Variants in IQCH observed in about 807,000 individuals in gnomAD.
The protein encoded by IQCH is IQ motif containing H, also known as IQ domain-containing protein H.
IQCH carries 98 observed loss-of-function variants against 117.0 expected under a neutral mutation model. That is an observed-to-expected ratio of 0.84 (90% CI 0.71 to 0.99). The LOEUF is 0.99. Ranked by LOEUF, IQCH falls within the 50% of genes least tolerant of loss-of-function variation. The pLI, the probability that IQCH is intolerant of heterozygous loss-of-function variation, is 0.00. For synonymous variants in IQCH, 412 were observed against 448.2 expected (o/e 0.92, Z 1.02); for missense variants, 1,102 against 1,243.8 (o/e 0.89, Z 1.72).
chr15:67,398,457 C>G (rs929247532), intron 13 of IQCH, among the ~76,000 whole-genome samples: 12 of 152,144 alleles, frequency 7.9e-5, no homozygotes, highest in Non-Finnish European at 1.6e-4. Flanking sequence ...CCCAAATCAT[C>G]AATAAACACT....
intron 16 of IQCH, among the ~76,000 whole-genome samples, chr15:67,441,725 C>T (rs1024701768): frequency 6.6e-6 from 1 of 152,158 alleles, no homozygotes; most frequent in Non-Finnish European, 1.5e-5. Flanking sequence ...TCACCTTATA[C>T]AAAAATCAAC....
At position 67,404,867 on chromosome 15, in the gene IQCH, T is replaced by A. The variant is rs1423995499; in HGVS notation, c.2097+4562T>A. On this transcript the variant is annotated intron_variant, in intron 14 of 20. Transcript: ENST00000335894. The surrounding 1 kb of genome is among the most constrained non-coding windows in gnomAD (Gnocchi z 4.6). Reference sequence around the variant, plus strand: ...TTGTATACACCTCTTTTTGCTTCTGTTGAGTTACTTCCCGAGGAGAAAGAC... The same window carrying A: ...TTGTATACACCTCTTTTTGCTTCTGATGAGTTACTTCCCGAGGAGAAAGAC... 6.6e-6 allele frequency: 1 copy of A among 152,228 alleles called. No homozygotes were observed. The highest frequency in any genetic ancestry group is 1.5e-5 in the Non-Finnish European group (1 of 68,034). The allele number at this position is 152,228 out of a possible 1,614,324, so 9.4% of individuals were successfully genotyped here.
intron 5 of IQCH, among the ~76,000 whole-genome samples, chr15:67,339,676 T>G (rs1444155078): frequency 2.6e-5 from 4 of 152,184 alleles, no homozygotes; most frequent in African/African-American, 9.7e-5. Flanking sequence ...ATTCTAAAAC[T>G]TAAAAAAATT....
chr15:67,384,935 G>C lies in IQCH; in HGVS notation c.1373-1G>C, dbSNP rs1488797409. 6.2e-7 allele frequency: 1 copy of C among 1,603,548 alleles called. No individual in the cohort carries two copies. Among genetic ancestry groups the C allele is most frequent in the Non-Finnish European group, 8.5e-7 (1 of 1,170,884 alleles). ...GTTTTGACACCTTGTTTGCCTTTTA[G>C]GGTATTCCCAGCCTGTGAGAGAACA... is the stretch of plus-strand genomic sequence containing the variant. On this transcript the variant is annotated splice_acceptor_variant, in intron 10 of 20. Transcript: ENST00000335894. LOFTEE classifies it high-confidence loss of function. This position sits in a 1 kb window ranked among gnomAD's most constrained non-coding sequence, Gnocchi z 4.3.
chr15:67,362,014 A>G (rs778657464), intron 8 of IQCH, among the ~76,000 whole-genome samples: 3 of 152,158 alleles, frequency 2.0e-5, no homozygotes, highest in African/African-American at 4.8e-5. Context: ...ACAAATATTT[A>G]TTCTACTATA....
rs1398952265 is a variant in IQCH at position 67,432,355 on chromosome 15, A to G, written c.2505+10778A>G. 6.6e-6 allele frequency among the ~76,000 whole-genome samples: 1 copy of G among 152,194 alleles called. No homozygotes were observed. Among genetic ancestry groups the G allele is most frequent in the Non-Finnish European group, 1.5e-5 (1 of 68,036 alleles). ...AAACGATTTTTAAGAGTTTCTAAAT[A>G]CAGAATATCAGCCTAGAATAAAAAA... is the stretch of plus-strand genomic sequence containing the variant. On this transcript the variant is annotated intron_variant, in intron 16 of 20. Transcript: ENST00000335894. The surrounding 1 kb of genome is among the most constrained non-coding windows in gnomAD (Gnocchi z 5.0).
rs141314534 is a variant in IQCH, at chr15:67,463,308, C to T, written c.2506-1819C>T. ...ATTACAGCATACTCCAGAAATACTTCATGTTTTCTCCACAAGACATTTTCA... is the reference window on the plus strand; with the variant it reads ...ATTACAGCATACTCCAGAAATACTTTATGTTTTCTCCACAAGACATTTTCA... On this transcript the variant is annotated intron_variant, in intron 16 of 20. Coordinates refer to ENST00000335894, the MANE Select transcript of IQCH (RefSeq NM_001031715.3). The surrounding 1 kb of genome is among the most constrained non-coding windows in gnomAD (Gnocchi z 4.0). Among the ~76,000 whole-genome samples the T allele has an allele frequency of 5.7e-4, 87 of 152,316 alleles. 6 individuals carry two copies. The East Asian group carries it at 5.8e-3, about 10-fold the overall frequency.
intron 16 of IQCH, among the ~76,000 whole-genome samples, chr15:67,450,233 G>T (rs1438019583): frequency 6.6e-6 from 1 of 152,046 alleles, no homozygotes; most frequent in Admixed American, 6.6e-5. Context: ...CTGCCTGATT[G>T]CCCTGGCCAG....
intron 8 of IQCH, among the ~76,000 whole-genome samples, chr15:67,362,063 G>C (rs1347288367): frequency 6.6e-6 from 1 of 151,796 alleles, no homozygotes; most frequent in East Asian, 1.9e-4. Context: ...TTGCTTCTGG[G>C]AACAGGAAGA....
intron 3 of IQCH, among the ~76,000 whole-genome samples, chr15:67,268,231 G>A (rs1965757240): frequency 6.6e-6 from 1 of 152,216 alleles, no homozygotes; most frequent in Admixed American, 6.5e-5. Context: ...CAAACCAGTA[G>A]GTACACAAAG....
At chr15:67,312,489 C>T (rs1043138653) in intron 4 of IQCH, among the ~76,000 whole-genome samples, 2 of 152,070 alleles carry the variant, frequency 1.3e-5, no homozygotes, top group Non-Finnish European at 2.9e-5. Flanking sequence ...CCTAAAAACC[C>T]TGTATTCTTT....
Position 67,445,500 on chromosome 15 carries a change from G to A in IQCH, c.2506-19627G>A, listed in dbSNP as rs1490438728. On this transcript the variant is annotated intron_variant, in intron 16 of 20. Transcript: ENST00000335894. This position sits in a 1 kb window ranked among gnomAD's most constrained non-coding sequence, Gnocchi z 4.3. ...TGTCGCCAGGCTGGATTGCAGTGGTGCAATCTCAGCTCACTGCAACCTCTG... is the reference window on the plus strand; with the variant it reads ...TGTCGCCAGGCTGGATTGCAGTGGTACAATCTCAGCTCACTGCAACCTCTG... 1.3e-5 allele frequency among the ~76,000 whole-genome samples: 2 copies of A among 152,114 alleles called. No homozygotes were observed. Among genetic ancestry groups the A allele is most frequent in the Non-Finnish European group, 2.9e-5 (2 of 68,026 alleles).
intron 17 of IQCH, among the ~76,000 whole-genome samples, chr15:67,471,027 C>T (rs1316548943): frequency 2.0e-5 from 3 of 152,104 alleles, no homozygotes; most frequent in African/African-American, 4.8e-5. Context: ...CAGATTCAGA[C>T]ACCTGAGCAG....
chr15:67,495,831 A>G (rs547660376), intron 20 of IQCH, among the ~76,000 whole-genome samples: 1 of 152,134 alleles, frequency 6.6e-6, no homozygotes, highest in Non-Finnish European at 1.5e-5. Flanking sequence ...TGTTTTCTTG[A>G]TTTTTACTCA....
At chr15:67,324,668 A>AT (rs1456746781) in intron 4 of IQCH, among the ~76,000 whole-genome samples, 2 of 149,822 alleles carry the variant, frequency 1.3e-5, no homozygotes, top group Admixed American at 6.7e-5. Context: ...ATTTTGAAAG[A>AT]TTTTTCACTG....
At chr15:67,270,504 G>C (rs1315874103) in intron 3 of IQCH, among the ~76,000 whole-genome samples, 1 of 152,234 alleles carries the variant, frequency 6.6e-6, no homozygotes, top group Non-Finnish European at 1.5e-5. Flanking sequence ...GGTGGAACCT[G>C]ATGGAAGGTG....
intron 17 of IQCH, among the ~76,000 whole-genome samples, chr15:67,469,852 A>T (rs1336072076): frequency 6.6e-6 from 1 of 152,246 alleles, no homozygotes; most frequent in African/African-American, 2.4e-5. Flanking sequence ...TCAGTAGGCA[A>T]GCAAGTAGGG....
Position 67,359,879 on chromosome 15 carries a change from T to C in IQCH, c.747T>C (p.Asp249=), listed in dbSNP as rs1209340855. Residue 249 remains aspartate, a synonymous_variant, in exon 8 of 21, where the codon GAT becomes GAC. Transcript: ENST00000335894. This position sits in a 1 kb window ranked among gnomAD's most constrained non-coding sequence, Gnocchi z 4.5. ...GCAGAAGGTCAAGAGGACATCATGA[T>C]AGGAAGGTCTGTAATTTGTGTGACT... is the stretch of plus-strand genomic sequence containing the variant. The part of the protein sequence containing the change: ...GKSRRSRGHH[D]RKAMKVKTPL... 1 of 1,612,440 alleles carries C rather than the reference T, an allele frequency of 6.2e-7. No homozygotes were observed. Among genetic ancestry groups the C allele is most frequent in the Non-Finnish European group, 8.5e-7 (1 of 1,178,552 alleles).
chr15:67,469,380 G>A (rs1193677207), intron 17 of IQCH, among the ~76,000 whole-genome samples: 1 of 152,232 alleles, frequency 6.6e-6, no homozygotes, highest in African/African-American at 2.4e-5. Context: ...GGCCCAGGCA[G>A]CCTCATGTGT....
Sources: gnomAD v4.1 joint callset for allele counts (sites outside exome capture counted in the v4.1 genomes callset) on GRCh38, gnomAD v4.1.1 for gene constraint, Gnocchi (gnomAD v3.1) non-coding constraint, MANE v1.5 for transcripts, NCBI Gene and HGNC (gene_info 2026-07-23, HGNC 2026-07-21) for gene names.